Variants in FBLN2 observed in about 807,000 individuals in gnomAD.
The protein encoded by FBLN2 is fibulin 2.
Under a neutral mutation model 123.7 loss-of-function variants are expected in FBLN2, and 81 were observed. The ratio of observed to expected loss-of-function variants is 0.65; its 90% CI spans 0.55 to 0.79. The LOEUF (loss-of-function observed/expected upper bound fraction) is 0.79, where lower values mean the gene tolerates loss of function less well. FBLN2 is among the 30% of genes least tolerant of loss of function. The pLI is 0.00. For missense variants in FBLN2, 1,603 were observed against 1,681.3 expected (o/e 0.95, Z 0.81); for synonymous variants, 699 against 701.4 (o/e 1.00, Z 0.05).
At chr3:13,620,194 C>T (rs1187582371) in intron 8 of FBLN2, among the ~76,000 whole-genome samples, 1 of 152,074 alleles carries the variant, frequency 6.6e-6, no homozygotes, top group South Asian at 2.1e-4. Flanking sequence ...CCCCAAAGAT[C>T]GAGTCAATAG....
chr3:13,635,767 A>T lies in FBLN2; in HGVS notation c.3215-678A>T, dbSNP rs1299287773. ...GCAGGCACTCCACTGGGCACTGGGGACAGCATGGGAATGAGAAAGACAAAC... is the reference window on the plus strand; with the variant it reads ...GCAGGCACTCCACTGGGCACTGGGGTCAGCATGGGAATGAGAAAGACAAAC... On this transcript the variant is annotated intron_variant, in intron 16 of 17. Coordinates refer to ENST00000404922, the MANE Select transcript of FBLN2 (RefSeq NM_001004019.2). Among the ~76,000 whole-genome samples the T allele has an allele frequency of 3.3e-5, 5 of 152,268 alleles. No individual in the cohort carries two copies. In the East Asian group the frequency reaches 9.7e-4, roughly 29 times the overall value.
chr3:13,561,154 C>G (rs1268325075), intron 1 of FBLN2, among the ~76,000 whole-genome samples: 4 of 152,108 alleles, frequency 2.6e-5, no homozygotes, highest in Non-Finnish European at 5.9e-5. Flanking sequence ...AGTTCTGGTT[C>G]CTACATTTGC....
chr3:13,574,713 A>C (rs1704077877), intron 2 of FBLN2, among the ~76,000 whole-genome samples: 1 of 152,086 alleles, frequency 6.6e-6, no homozygotes, highest in Admixed American at 6.5e-5. Context: ...AGGGCTGAGC[A>C]GGGCAAAGCC....
rs966993314 is a variant in FBLN2, at chr3:13,571,463, A to T, written c.1108A>T (p.Thr370Ser). Reference sequence around the variant, plus strand: ...CCTGGGCAAGGCTGCTCTCGTCCCAACTCAGGCCGTGCCTGGCTCTCCCAG... The same window carrying T: ...CCTGGGCAAGGCTGCTCTCGTCCCATCTCAGGCCGTGCCTGGCTCTCCCAG... ...PSLGKAALVP[T>S]QAVPGSPRDP... Residue 370 changes from threonine (T) to serine (S), a missense_variant, in exon 2 of 18, where the codon ACT becomes TCT. Thr to Ser is a moderately conservative substitution (Grantham distance 58). Transcript: ENST00000404922. The T allele has an allele frequency of 1.2e-6, 2 of 1,613,082 alleles. No homozygotes were observed. Among genetic ancestry groups the T allele is most frequent in the East Asian group, 2.2e-5 (1 of 44,846 alleles).
Position 13,608,245 on chromosome 3 carries a change from C to T in FBLN2, c.1418+72C>T, listed in dbSNP as rs1030033614. 2.5e-5 allele frequency: 27 copies of T among 1,088,342 alleles called. No homozygotes were observed. The African/African-American group carries it at 3.8e-4, about 15-fold the overall frequency. 67.4% of individuals were successfully genotyped at this position (1,088,342 alleles called of 1,614,324 possible). A position where few individuals can be genotyped will look rare whatever the true frequency, so the allele number is the denominator to read the frequency against. ...CCAGAACCCTGCTTGCCTAGGACCC[C>T]AGGCTCCAGGCAGCCCGGAGAGAGT... On this transcript the variant is annotated intron_variant, in intron 3 of 17. Coordinates refer to ENST00000404922, the MANE Select transcript of FBLN2 (RefSeq NM_001004019.2).
Position 13,629,945 on chromosome 3 carries a change from G to C in FBLN2, c.2968G>C (p.Asp990His). The change falls in exon 14 of 18, where the codon GAC (aspartate) becomes CAC (histidine). Residue 990 changes from aspartate to histidine, a missense_variant and splice_region_variant. Asp to His is a moderately conservative substitution (Grantham distance 81). Transcript: ENST00000404922. The stretch of plus-strand genomic sequence containing the variant: ...AGCAGCGGACGGCAAGCGCTGTGAA[G>C]GTAGGCTGGCCCTCATCTCTGACCC... ...LLAADGKRCE[D>H]VNECEAQRCS... 1 of 1,610,456 alleles carries C rather than the reference G, an allele frequency of 6.2e-7. No individual in the cohort carries two copies. The highest frequency in any genetic ancestry group is 8.5e-7 in the Non-Finnish European group (1 of 1,179,048).
intron 17 of FBLN2, 52 bp downstream of exon 17, chr3:13,636,620 A>G: frequency 6.3e-7 from 1 of 1,588,882 alleles, no homozygotes; most frequent in Non-Finnish European, 8.6e-7. Flanking sequence ...CTGGTCCTGT[A>G]CTATCCAGGG....
intron 2 of FBLN2, among the ~76,000 whole-genome samples, chr3:13,592,679 T>G (rs1339205003): frequency 1.3e-5 from 2 of 152,244 alleles, no homozygotes; most frequent in Non-Finnish European, 2.9e-5. Context: ...TTGTCATTTT[T>G]AGTGTAGAGT....
chr3:13,595,803 A>G (rs905063212), intron 2 of FBLN2, among the ~76,000 whole-genome samples: 1 of 152,170 alleles, frequency 6.6e-6, no homozygotes, highest in Non-Finnish European at 1.5e-5. Context: ...CCTATGATCA[A>G]AGGAGCTTAG....
intron 2 of FBLN2, among the ~76,000 whole-genome samples, chr3:13,591,455 A>G (rs1455307927): frequency 6.6e-6 from 1 of 152,258 alleles, no homozygotes; most frequent in Non-Finnish European, 1.5e-5. Context: ...GTATTAACAA[A>G]TGGCCCCTAG....
chr3:13,598,539 G>A (rs1423204934), intron 2 of FBLN2, among the ~76,000 whole-genome samples: 1 of 152,218 alleles, frequency 6.6e-6, no homozygotes, highest in Non-Finnish European at 1.5e-5. Flanking sequence ...CTAAGGCTGT[G>A]CCCCTGGGCT....
In FBLN2 at chr3:13,571,326, C is replaced by A; in HGVS notation, c.971C>A (p.Ala324Glu). 1 of 1,605,006 alleles carries A rather than the reference C, an allele frequency of 6.2e-7. No homozygotes were observed. The highest frequency in any genetic ancestry group is 8.5e-7 in the Non-Finnish European group (1 of 1,176,194). The change falls in exon 2 of 18, where the codon GCA becomes GAA. Residue 324 changes from alanine to glutamate, a missense_variant. Ala to Glu is a moderately radical substitution (Grantham distance 107, BLOSUM62 -1). Transcript: ENST00000404922. ...GPSLPIQEER[A>E]EAGARAEAGA... is the part of the protein sequence containing the mutation. ...AGTCTTCCTATCCAGGAGGAGAGGG[C>A]AGAAGCTGGGGCAAGGGCAGAAGCT...
At chr3:13,611,835 G>A (rs1169193430) in intron 4 of FBLN2, among the ~76,000 whole-genome samples, 5 of 152,222 alleles carry the variant, frequency 3.3e-5, no homozygotes, top group African/African-American at 4.8e-5. Flanking sequence ...ACATCTAGCT[G>A]CAAGGAAGAC....
chr3:13,587,690 TAAG>T (rs1014899778), intron 2 of FBLN2, among the ~76,000 whole-genome samples: 2 of 152,228 alleles, frequency 1.3e-5, no homozygotes, highest in Non-Finnish European at 2.9e-5. Flanking sequence ...TTAAGTCTGA[TAAG>T]AAACATTTTA....
chr3:13,562,127 T>C (rs897249367), intron 1 of FBLN2, among the ~76,000 whole-genome samples: 1 of 152,172 alleles, frequency 6.6e-6, no homozygotes, highest in Non-Finnish European at 1.5e-5. Context: ...CTTCCTCTTA[T>C]CAGAGAAGGA....
intron 16 of FBLN2, 22 bp downstream of exon 16, chr3:13,631,479 C>T: frequency 6.4e-7 from 1 of 1,566,922 alleles, no homozygotes; most frequent in Non-Finnish European, 8.7e-7. Flanking sequence ...CCCCCACACG[C>T]CCCCGCCTCC....
At chr3:13,631,206 A>C (rs977579523) in intron 15 of FBLN2, 123 bp from the exon 16 acceptor site, 26 of 1,236,748 alleles carry the variant, frequency 2.1e-5, no homozygotes, top group Non-Finnish European at 2.8e-5. Context: ...CTCTCAGTCC[A>C]CTTGTCTTCA....
intron 2 of FBLN2, among the ~76,000 whole-genome samples, chr3:13,588,113 G>A (rs535149187): frequency 6.6e-6 from 1 of 152,296 alleles, no homozygotes; most frequent in East Asian, 1.9e-4. Flanking sequence ...CTATACAGGC[G>A]AACCACTTTT....
chr3:13,553,082 CA>C (rs1170082755), intron 1 of FBLN2, among the ~76,000 whole-genome samples: 2 of 152,158 alleles, frequency 1.3e-5, no homozygotes, highest in Non-Finnish European at 2.9e-5. Flanking sequence ...TATGAAGGTA[CA>C]GGGGTGAGGG....
Sources: allele counts gnomAD v4.1 joint callset (sites outside exome capture counted in the v4.1 genomes callset), GRCh38; gene constraint gnomAD v4.1.1; transcripts MANE v1.5; gene names NCBI Gene and HGNC (gene_info 2026-07-23, HGNC 2026-07-21).